The following IGSF21 variants were observed in gnomAD, a reference collection of about 807,000 sequenced individuals.
IGSF21 encodes the protein immunoglobin superfamily member 21, also known as immunoglobulin superfamily member 21.
IGSF21 carries 28 observed loss-of-function variants against 46.8 expected under a neutral mutation model. The ratio of observed to expected loss-of-function variants is 0.60; its 90% CI spans 0.44 to 0.82. IGSF21 has a LOEUF of 0.82. Ranked by LOEUF, IGSF21 falls within the 40% of genes least tolerant of loss-of-function variation. The pLI, the probability that IGSF21 is intolerant of heterozygous loss-of-function variation, is 0.00. For missense variants in IGSF21, 624 were observed against 665.5 expected (o/e 0.94, Z 0.69); for synonymous variants, 284 against 273.6 (o/e 1.04, Z -0.38).
At chr1:18,209,240 C>G (rs2084364919) in intron 1 of IGSF21, among the ~76,000 whole-genome samples, 1 of 152,334 alleles carries the variant, frequency 6.6e-6, no homozygotes, top group East Asian at 1.9e-4. Context: ...CAGCTATTAT[C>G]TCCAACCTTG....
intron 3 of IGSF21, among the ~76,000 whole-genome samples, chr1:18,318,487 T>C (rs1465149918): frequency 6.6e-6 from 1 of 151,780 alleles, no homozygotes; most frequent in African/African-American, 2.4e-5. Context: ...TGTGTGTGTG[T>C]GTGCGTGCGT....
At chr1:18,243,421 C>A (rs528823177) in intron 2 of IGSF21, among the ~76,000 whole-genome samples, 1 of 152,238 alleles carries the variant, frequency 6.6e-6, no homozygotes, top group East Asian at 1.9e-4. Flanking sequence ...AAAGACAAGC[C>A]CTGAATCCAC....
chr1:18,346,909 C>T (rs1160825083), intron 4 of IGSF21, among the ~76,000 whole-genome samples: 12 of 152,142 alleles, frequency 7.9e-5, no homozygotes, highest in Non-Finnish European at 1.3e-4. Context: ...GGGACACTGT[C>T]GTCTTGAGTG....
chr1:18,248,259 T>C (rs894156446), intron 2 of IGSF21, among the ~76,000 whole-genome samples: 1 of 152,214 alleles, frequency 6.6e-6, no homozygotes, highest in African/African-American at 2.4e-5. Context: ...TGGCTGATGC[T>C]GGCTAACTGG....
chr1:18,184,799 C>T (rs1301309888), intron 1 of IGSF21, among the ~76,000 whole-genome samples: 11 of 152,086 alleles, frequency 7.2e-5, no homozygotes, highest in Non-Finnish European at 1.5e-5. Context: ...GAATGTGTGC[C>T]CTGTCTTTGT....
intron 4 of IGSF21, among the ~76,000 whole-genome samples, chr1:18,359,559 G>A (rs533268528): frequency 4.6e-5 from 7 of 152,138 alleles, no homozygotes; most frequent in African/African-American, 1.4e-4. Context: ...TCTGATCTCT[G>A]TTTGCTCAGT....
chr1:18,320,089 A>G (rs987886248), intron 3 of IGSF21, among the ~76,000 whole-genome samples: 1 of 152,184 alleles, frequency 6.6e-6, no homozygotes, highest in Non-Finnish European at 1.5e-5. Context: ...AGTGTGAGAG[A>G]CAGAACCGGA....
intron 3 of IGSF21, among the ~76,000 whole-genome samples, chr1:18,300,864 C>T (rs1043246540): frequency 6.6e-6 from 1 of 152,136 alleles, no homozygotes; most frequent in African/African-American, 2.4e-5. Flanking sequence ...AGCAACGCTC[C>T]GCTCAGACTG....
chr1:18,117,498 C>T (rs1342570), intron 1 of IGSF21, among the ~76,000 whole-genome samples: 52,951 of 152,102 alleles, frequency 0.35, 9,358 homozygotes, highest in Non-Finnish European at 0.37. Flanking sequence ...CATTATTTTA[C>T]CCTTGGTTTC....
chr1:18,164,527 C>T (rs1486397367), intron 1 of IGSF21, among the ~76,000 whole-genome samples: 4 of 152,148 alleles, frequency 2.6e-5, no homozygotes, highest in Admixed American at 2.0e-4. Context: ...GAGCCTCACC[C>T]TGTTCTCCCA....
intron 1 of IGSF21, among the ~76,000 whole-genome samples, chr1:18,201,577 C>T (rs2087075239): frequency 6.6e-6 from 1 of 152,154 alleles, no homozygotes; most frequent in Non-Finnish European, 1.5e-5. Flanking sequence ...CTGATTCCTC[C>T]TTCACGCTGG....
intron 3 of IGSF21, among the ~76,000 whole-genome samples, chr1:18,292,408 C>G (rs1409551331): frequency 6.6e-6 from 1 of 152,200 alleles, no homozygotes. Context: ...TTTGTGTGCT[C>G]CAAGGCCATA....
At chr1:18,190,184 C>T (rs2086941734) in intron 1 of IGSF21, among the ~76,000 whole-genome samples, 1 of 152,208 alleles carries the variant, frequency 6.6e-6, no homozygotes, top group South Asian at 2.1e-4. Context: ...CCTGCCTCTT[C>T]CCTCAATTCA....
At chr1:18,316,651 G>A (rs2085546004) in intron 3 of IGSF21, among the ~76,000 whole-genome samples, 1 of 152,094 alleles carries the variant, frequency 6.6e-6, no homozygotes, top group Admixed American at 6.5e-5. Context: ...TTTACCTCTT[G>A]GATTGATAGT....
At chr1:18,182,430 C>T (rs1170364146) in intron 1 of IGSF21, among the ~76,000 whole-genome samples, 2 of 152,134 alleles carry the variant, frequency 1.3e-5, no homozygotes, top group African/African-American at 2.4e-5. Context: ...CCGCTCACCT[C>T]GGCCTCCCAA....
chr1:18,346,460 G>A (rs945046755), intron 4 of IGSF21, among the ~76,000 whole-genome samples: 5 of 152,148 alleles, frequency 3.3e-5, no homozygotes, highest in East Asian at 1.9e-4. Flanking sequence ...AGGGCAGGAA[G>A]TTAGAAGAAC....
intron 1 of IGSF21, among the ~76,000 whole-genome samples, chr1:18,175,848 G>T (rs961551395): frequency 1.3e-5 from 2 of 152,218 alleles, no homozygotes; most frequent in Non-Finnish European, 2.9e-5. Context: ...TGTTAATCAC[G>T]CACTGATTAA....
intron 3 of IGSF21, among the ~76,000 whole-genome samples, chr1:18,317,123 C>A (rs1412558695): frequency 6.6e-6 from 1 of 152,214 alleles, no homozygotes; most frequent in East Asian, 1.9e-4. Context: ...AGGCTTTGGG[C>A]AGGGCTAGAG....
chr1:18,163,882 A>G (rs2086652607), intron 1 of IGSF21, among the ~76,000 whole-genome samples: 1 of 152,240 alleles, frequency 6.6e-6, no homozygotes, highest in South Asian at 2.1e-4. Flanking sequence ...AGGATCTAAC[A>G]ATAACGGGTG....
Sources: gnomAD v4.1 joint callset for allele counts (sites outside exome capture counted in the v4.1 genomes callset) on GRCh38, gnomAD v4.1.1 for gene constraint, MANE v1.5 for transcripts, NCBI Gene and HGNC (gene_info 2026-07-23, HGNC 2026-07-21) for gene names.